Variants in WDFY3 observed in about 807,000 individuals in gnomAD.
WDFY3 encodes the protein WD repeat and FYVE domain containing 3.
WDFY3 carries 66 observed loss-of-function variants against 409.6 expected under a neutral mutation model. That is an observed-to-expected ratio of 0.16 (90% CI 0.13 to 0.20). The LOEUF is 0.20. Among genes scored for constraint, WDFY3 ranks in the 10% least tolerant of loss-of-function variants. The pLI is 1.00. For synonymous variants in WDFY3, 1,521 were observed against 1,537.1 expected, an observed-to-expected ratio of 0.99 and a Z score of 0.25; for missense variants, 3,031 against 4,298.1, an observed-to-expected ratio of 0.71 and a Z score of 8.24.
chr4:84,739,668 G>T (rs1253991377), intron 39 of WDFY3, among the ~76,000 whole-genome samples: 1 of 152,094 alleles, frequency 6.6e-6, no homozygotes, highest in African/African-American at 2.4e-5. Flanking sequence ...CCAAAGCACT[G>T]GGTTGTTCCT....
chr4:84,925,368 A>G (rs1425535605), intron 2 of WDFY3, among the ~76,000 whole-genome samples: 3 of 152,226 alleles, frequency 2.0e-5, no homozygotes, highest in Non-Finnish European at 4.4e-5. Flanking sequence ...CATGGCAGGA[A>G]TACTTTCTGA....
At chr4:84,704,299 C>T in intron 55 of WDFY3, 39 bp downstream of exon 55, 1 of 1,421,470 alleles carries the variant, frequency 7.0e-7, no homozygotes, top group East Asian at 2.3e-5. Context: ...TAGAAGTAGG[C>T]TTGTATAAAA....
intron 30 of WDFY3, among the ~76,000 whole-genome samples, chr4:84,772,490 TATC>T (rs1184750504): frequency 2.6e-5 from 4 of 152,300 alleles, no homozygotes; most frequent in African/African-American, 4.8e-5. Context: ...GTTTAGCAAG[TATC>T]ATGTTTCTGA....
intron 48 of WDFY3, among the ~76,000 whole-genome samples, chr4:84,717,229 T>A (rs1481339600): frequency 6.6e-6 from 1 of 152,132 alleles, no homozygotes; most frequent in Non-Finnish European, 1.5e-5. Context: ...AAAATCCCCT[T>A]ATTACTGTCA....
rs773122924 is a variant in WDFY3, at chr4:84,757,127, C to T, written c.5223G>A (p.Ser1741=). 24 of 1,613,984 alleles carry T rather than the reference C, an allele frequency of 1.5e-5. 1 individual carries two copies. Among genetic ancestry groups the T allele is most frequent in the South Asian group, 1.4e-4 (13 of 91,076 alleles). Residue 1741 remains serine, a synonymous_variant, in exon 33 of 68, where the codon TCG becomes TCA. Coordinates refer to ENST00000295888, the MANE Select transcript of WDFY3 (RefSeq NM_014991.6). ...FNVGRSAGGR[S]TVREINRDAC... Reference sequence around the variant, plus strand: ...CATCTCGGTTAATCTCCCTGACCGTCGATCTCCCACCAGCACTTCTGCCCA... The same window carrying T: ...CATCTCGGTTAATCTCCCTGACCGTTGATCTCCCACCAGCACTTCTGCCCA...
At chr4:84,963,350 G>A (rs748502955) in intron 1 of WDFY3, among the ~76,000 whole-genome samples, 2 of 151,536 alleles carry the variant, frequency 1.3e-5, no homozygotes, top group Admixed American at 6.6e-5. Flanking sequence ...CTCGAAACCC[G>A]GGAGGCAGAA....
At chr4:84,867,665 C>T (rs1482145643) in intron 3 of WDFY3, among the ~76,000 whole-genome samples, 1 of 152,156 alleles carries the variant, frequency 6.6e-6, no homozygotes, top group Non-Finnish European at 1.5e-5. Context: ...TTACTTAAAT[C>T]ATGATGGGTA....
rs74222011 is a variant in WDFY3, at chr4:84,950,415, T to TA, written c.-226+15793dup. On this transcript the variant is annotated intron_variant, in intron 1 of 67. Coordinates refer to ENST00000295888, the MANE Select transcript of WDFY3 (RefSeq NM_014991.6). ...ACATATCCCAGAACTTAAAGTTTAA[T>TA]AAAAAAAAAAAAAGGTTACATTATT... Among the ~76,000 whole-genome samples, 184 of 131,704 alleles carry TA rather than the reference T, an allele frequency of 1.4e-3. 1 individual carries two copies. Among genetic ancestry groups the TA allele is most frequent in the Middle Eastern group, 3.8e-3 (1 of 260 alleles). 86.4% of individuals were successfully genotyped at this position (131,704 alleles called of 152,430 possible).
chr4:84,921,234 A>G (rs532875854), intron 2 of WDFY3, among the ~76,000 whole-genome samples: 1 of 152,322 alleles, frequency 6.6e-6, no homozygotes, highest in East Asian at 1.9e-4. Flanking sequence ...CTATTAAGCA[A>G]TATGTTCAGT....
intron 17 of WDFY3, 38 bp from the exon 18 acceptor site, chr4:84,798,146 G>C (rs770609368): frequency 6.7e-7 from 1 of 1,488,364 alleles, no homozygotes; most frequent in Admixed American, 1.9e-5. Flanking sequence ...CCTTGATTGA[G>C]ATTATTATAT....
chr4:84,734,688 G>A (rs137965604), intron 43 of WDFY3, among the ~76,000 whole-genome samples: 23 of 152,200 alleles, frequency 1.5e-4, no homozygotes, highest in African/African-American at 5.5e-4. Context: ...ACTTGGATGC[G>A]TATTTTCACA....
Position 84,817,395 on chromosome 4 carries a change from T to A in WDFY3, c.1884A>T (p.Leu628Phe), listed in dbSNP as rs1753454340. The A allele has an allele frequency of 1.9e-6, 3 of 1,613,342 alleles. No homozygotes were observed. The highest frequency in any genetic ancestry group is 2.2e-5 in the East Asian group (1 of 44,868). ...GAAACACATTTATCAAACTTACCCT[T>A]AAAATATCAGTCTTCAACTGCAATT... ...PTELQLKTDI[L>F]RALLSVLRES... The change falls in exon 13 of 68, where the codon TTA (leucine) becomes TTT (phenylalanine). Residue 628 changes from leucine to phenylalanine, a missense_variant. By Grantham distance (22) the Leu-to-Phe change is conservative. Around this residue, in one of 16 missense-constraint regions of WDFY3, gnomAD observed 1,322 missense variants for 1,697.9 expected, o/e 0.78. Coordinates refer to ENST00000295888, the MANE Select transcript of WDFY3 (RefSeq NM_014991.6).
chr4:84,874,761 A>G (rs1048741635), intron 3 of WDFY3, among the ~76,000 whole-genome samples: 2 of 152,138 alleles, frequency 1.3e-5, no homozygotes, highest in African/African-American at 4.8e-5. Flanking sequence ...ATGAAACTTT[A>G]GTTATACAGT....
At chr4:84,695,941 C>T (rs1730071134) in intron 58 of WDFY3, 29 bp downstream of exon 58, 1 of 1,589,180 alleles carries the variant, frequency 6.3e-7, no homozygotes, top group African/African-American at 1.3e-5. Flanking sequence ...AAACAGAGTA[C>T]ATCAATGACA....
In WDFY3 at chr4:84,672,845, TCTCCACTCAG is replaced by T; in HGVS notation, c.*13_*22del. 1 of 1,613,706 alleles carries T rather than the reference TCTCCACTCAG, an allele frequency of 6.2e-7. No homozygotes were observed. The highest frequency in any genetic ancestry group is 8.5e-7 in the Non-Finnish European group (1 of 1,179,790). ...TCGGGAAGGGGTCTACAGACCATGG[TCTCCACTCAG>T]CTTGTTGAATCTTCAACAATTTCGA... is the stretch of plus-strand genomic sequence containing the variant. On this transcript the variant is annotated 3_prime_UTR_variant, in exon 68 of 68. Transcript: ENST00000295888.
intron 36 of WDFY3, among the ~76,000 whole-genome samples, chr4:84,744,714 G>T (rs1258684119): frequency 6.7e-6 from 1 of 150,138 alleles, no homozygotes; most frequent in South Asian, 2.1e-4. Context: ...TTAGCCGGGC[G>T]TAGTGGCGGG....
chr4:84,679,624 G>A (rs1055219866), intron 64 of WDFY3, among the ~76,000 whole-genome samples: 1 of 151,920 alleles, frequency 6.6e-6, no homozygotes. Flanking sequence ...TGCTGGTGCC[G>A]CCTAGACCCA....
At chr4:84,795,855 T>A (rs1255624033) in intron 19 of WDFY3, among the ~76,000 whole-genome samples, 1 of 152,152 alleles carries the variant, frequency 6.6e-6, no homozygotes, top group Non-Finnish European at 1.5e-5. Flanking sequence ...TTGAACTTCA[T>A]GAATTCTTAT....
At chr4:84,711,202 CTG>C (rs762995367) in intron 51 of WDFY3, among the ~76,000 whole-genome samples, 80 of 152,324 alleles carry the variant, frequency 5.3e-4, no homozygotes, top group Non-Finnish European at 9.8e-4. Flanking sequence ...CTTGAAATGG[CTG>C]TGTTACCTAG....
Sources: allele counts gnomAD v4.1 joint callset (sites outside exome capture counted in the v4.1 genomes callset), GRCh38; gene constraint gnomAD v4.1.1; regional missense constraint gnomAD v4.1.1; transcripts MANE v1.5; gene names NCBI Gene and HGNC (gene_info 2026-07-23, HGNC 2026-07-21).